The following ACBD3 variants were observed in gnomAD, a reference collection of about 807,000 sequenced individuals.
ACBD3 encodes Golgi resident protein GCP60.
Under a neutral mutation model 66.9 loss-of-function variants are expected in ACBD3, and 30 were observed. That is an observed-to-expected ratio of 0.45 (90% confidence interval 0.34 to 0.61). The LOEUF (loss-of-function observed/expected upper bound fraction) is 0.61. Among genes scored for constraint, ACBD3 ranks in the 20% least tolerant of loss-of-function variants. The probability of loss-of-function intolerance (pLI) is 0.02; values close to 1 mark genes in which losing one functional copy is unlikely to be tolerated. For missense variants in ACBD3, 544 were observed against 664.5 expected, an observed-to-expected ratio of 0.82 and a Z score of 1.99; for synonymous variants, 278 against 259.8, an observed-to-expected ratio of 1.07 and a Z score of -0.68.
At chr1:226,186,276 A>T in intron 1 of ACBD3, 114 bp downstream of exon 1, 2 of 1,287,528 alleles carry the variant, frequency 1.6e-6, no homozygotes, top group Non-Finnish European at 2.0e-6. Flanking sequence ...GAGTCACCAC[A>T]GCCCAGTATG....
chr1:226,162,304 G>C (rs1383330885), intron 3 of ACBD3, among the ~76,000 whole-genome samples: 1 of 152,050 alleles, frequency 6.6e-6, no homozygotes, highest in Non-Finnish European at 1.5e-5. Context: ...AAAAGATCTG[G>C]AAGGACATAC....
chr1:226,168,564 T>C (rs753625249), intron 1 of ACBD3, among the ~76,000 whole-genome samples: 2 of 152,230 alleles, frequency 1.3e-5, no homozygotes, highest in Non-Finnish European at 2.9e-5. Flanking sequence ...AAGGACAGAT[T>C]GTTTATATGA....
rs1306324405 is a variant in ACBD3 at position 226,161,530 on chromosome 1, C to A, written c.728+1G>T. On this transcript the variant is annotated splice_donor_variant, in intron 4 of 7. Transcript: ENST00000366812. LOFTEE classifies it high-confidence loss of function. The stretch of plus-strand genomic sequence containing the variant: ...AAACATAAGCCACATAATAAACTTA[C>A]TTTTGCTGCTCCAACCGAAGCCTTT... The A allele has an allele frequency of 6.2e-7, 1 of 1,611,186 alleles. No individual in the cohort carries two copies. The highest frequency in any genetic ancestry group is 2.2e-5 in the East Asian group (1 of 44,868).
At chr1:226,147,757 G>A (rs1340391495) in intron 7 of ACBD3, among the ~76,000 whole-genome samples, 1 of 152,128 alleles carries the variant, frequency 6.6e-6, no homozygotes, top group Admixed American at 6.6e-5. Flanking sequence ...CCGGTTAAGA[G>A]TTTTTTGAAC....
intron 1 of ACBD3, among the ~76,000 whole-genome samples, chr1:226,174,259 T>C (rs1655968232): frequency 6.6e-6 from 1 of 152,184 alleles, no homozygotes; most frequent in Non-Finnish European, 1.5e-5. Flanking sequence ...TCCTCGGCTC[T>C]TGCACTCATT....
At position 226,145,113 on chromosome 1, in the gene ACBD3, C is replaced by T. The variant is rs1360977449; in HGVS notation, c.*1497G>A. ...TATGAACACCTATGAGCTGGGACTA[C>T]TTCTGAATCAAAATTAAAAAACACA... On this transcript the variant is annotated 3_prime_UTR_variant, in exon 8 of 8. Coordinates refer to ENST00000366812, the MANE Select transcript of ACBD3 (RefSeq NM_022735.4). 2 of 152,146 alleles carry T rather than the reference C, an allele frequency of 1.3e-5. No homozygotes were observed. The highest frequency in any genetic ancestry group is 1.5e-5 in the Non-Finnish European group (1 of 67,998). 9.4% of individuals were successfully genotyped at this position (152,146 alleles called of 1,614,324 possible). A position where few individuals can be genotyped will look rare whatever the true frequency, so the allele number is the denominator to read the frequency against.
intron 1 of ACBD3, among the ~76,000 whole-genome samples, chr1:226,168,970 C>T (rs1033734332): frequency 2.6e-5 from 4 of 151,988 alleles, no homozygotes; most frequent in African/African-American, 9.7e-5. Context: ...TCAAGTGATT[C>T]TCCTGCCTCA....
intron 7 of ACBD3, 101 bp from the exon 8 acceptor site, chr1:226,146,922 T>C: frequency 8.6e-7 from 1 of 1,161,250 alleles, no homozygotes; most frequent in Non-Finnish European, 1.3e-6. Flanking sequence ...GACAGAGTCT[T>C]GCTCTGTCAC....
At chr1:226,181,378 GAAGAC>G (rs754260870) in intron 1 of ACBD3, among the ~76,000 whole-genome samples, 11 of 152,254 alleles carry the variant, frequency 7.2e-5, no homozygotes, top group East Asian at 5.8e-4. Context: ...TATGTTTAAA[GAAGAC>G]AAGAGGAAAT....
intron 4 of ACBD3, among the ~76,000 whole-genome samples, chr1:226,160,556 CT>C (rs1187682229): frequency 1.6e-4 from 25 of 152,328 alleles, no homozygotes; most frequent in African/African-American, 5.8e-4. Flanking sequence ...CATAGTCTTT[CT>C]CCAAAGTTGA....
intron 5 of ACBD3, among the ~76,000 whole-genome samples, chr1:226,157,076 C>T (rs926433796): frequency 7.2e-5 from 11 of 152,184 alleles, no homozygotes; most frequent in South Asian, 2.1e-4. Context: ...AATGTATCTA[C>T]ACCCCAAAAT....
In ACBD3 at chr1:226,170,164, G is replaced by GTT. The variant is rs5781424; in HGVS notation, c.287-4166_287-4165dup. Among the ~76,000 whole-genome samples, 422 of 132,986 alleles carry GTT rather than the reference G, an allele frequency of 3.2e-3. 20 individuals carry two copies. Among genetic ancestry groups the GTT allele is most frequent in the African/African-American group, 9.2e-3 (328 of 35,742 alleles). The allele number at this position is 132,986 out of a possible 152,430, so 87.2% of individuals were successfully genotyped here. A position where few individuals can be genotyped will look rare whatever the true frequency, so the allele number is the denominator to read the frequency against. Reference sequence around the variant, plus strand: ...ATTTTTCCTTTCCTTTTTTTTTTTGGTTTTTTTTTTTGAGACGGAGTCTCA... The same window carrying GTT: ...ATTTTTCCTTTCCTTTTTTTTTTTGGTTTTTTTTTTTTTGAGACGGAGTCTCA... On this transcript the variant is annotated intron_variant, in intron 1 of 7. Transcript: ENST00000366812.
intron 3 of ACBD3, among the ~76,000 whole-genome samples, chr1:226,162,108 A>G (rs1359500026): frequency 6.6e-6 from 1 of 152,224 alleles, no homozygotes; most frequent in Non-Finnish European, 1.5e-5. Context: ...GAGACTGCCT[A>G]TCTCACACCA....
At position 226,159,082 on chromosome 1, in the gene ACBD3, C is replaced by T. The variant is rs111663259; in HGVS notation, c.903+102G>A. On this transcript the variant is annotated intron_variant, in intron 5 of 7. Transcript: ENST00000366812. ...CAAAAGTTACTTTACACCTTAGAGG[C>T]TAACTAATGCAAAATTCATTTGCGA... 79 of 1,356,216 alleles carry T rather than the reference C, an allele frequency of 5.8e-5. 2 individuals are homozygous for T. The highest frequency in any genetic ancestry group is 5.8e-4 in the African/African-American group (40 of 69,436). 84.0% of individuals were successfully genotyped at this position (1,356,216 alleles called of 1,614,324 possible).
chr1:226,149,202 G>A (rs535953080), intron 7 of ACBD3, among the ~76,000 whole-genome samples: 52 of 152,004 alleles, frequency 3.4e-4, no homozygotes, highest in African/African-American at 1.1e-3. Context: ...CTTCTGAACA[G>A]AGAATTCTTA....
At chr1:226,147,624 A>G (rs762485189) in intron 7 of ACBD3, among the ~76,000 whole-genome samples, 6 of 152,242 alleles carry the variant, frequency 3.9e-5, no homozygotes, top group Non-Finnish European at 8.8e-5. Flanking sequence ...AAGCAGTAAA[A>G]TGAAAAAATC....
chr1:226,170,203 G>A (rs1267099235), intron 1 of ACBD3, among the ~76,000 whole-genome samples: 1 of 148,808 alleles, frequency 6.7e-6, no homozygotes, highest in Non-Finnish European at 1.5e-5. Context: ...TGTCACCCAG[G>A]CTGGAGTGCA....
chr1:226,154,993 ATAT>A (rs1448586494), intron 5 of ACBD3, 160 bp from the exon 6 acceptor site: 3 of 450,958 alleles, frequency 6.7e-6, no homozygotes, highest in Admixed American at 4.2e-5. Context: ...TCTATAATGA[ATAT>A]TATTAGTACA....
intron 1 of ACBD3, among the ~76,000 whole-genome samples, chr1:226,176,117 T>C (rs1270412158): frequency 6.6e-6 from 1 of 152,084 alleles, no homozygotes; most frequent in Non-Finnish European, 1.5e-5. Flanking sequence ...GCTCTGAAGA[T>C]GGAGGAAGGG....
Sources: gnomAD v4.1 joint callset for allele counts (sites outside exome capture counted in the v4.1 genomes callset) on GRCh38, gnomAD v4.1.1 for gene constraint, MANE v1.5 for transcripts, NCBI Gene and HGNC (gene_info 2026-07-23, HGNC 2026-07-21) for gene names.